Variants in CSF2RA observed in about 807,000 individuals in gnomAD.
CSF2RA encodes the protein granulocyte-macrophage colony-stimulating factor receptor subunit alpha.
A neutral mutation model predicts 51.6 loss-of-function variants in CSF2RA; 42 were observed. That is an observed-to-expected ratio of 0.81 (90% confidence interval 0.64 to 1.05). The LOEUF (loss-of-function observed/expected upper bound fraction) is 1.05, where lower values mean the gene tolerates loss of function less well. CSF2RA is among the 50% of genes least tolerant of loss of function. The pLI is 0.00. For missense variants in CSF2RA, 530 were observed against 501.1 expected, an observed-to-expected ratio of 1.06 and a Z score of -0.55; for synonymous variants, 222 against 193.0, an observed-to-expected ratio of 1.15 and a Z score of -1.24.
intron 11 of CSF2RA, among the ~76,000 whole-genome samples, chrX:1,305,181 A>G (rs1308824290): frequency 2.0e-5 from 3 of 149,628 alleles, no homozygotes; most frequent in African/African-American, 7.4e-5. Flanking sequence ...TTTAGTAGAG[A>G]CGGGGTTTCA....
chrX:1,320,664 ATTTTTT>A, the CSF2RA span, among the ~76,000 whole-genome samples: 32 of 123,392 alleles, frequency 2.6e-4, no homozygotes, highest in African/African-American at 7.9e-4. Flanking sequence ...TGCCCAGCTA[ATTTTTT>A]TTTTTTTTTT....
chrX:1,294,514 G>A (rs1390791705), intron 8 of CSF2RA, 53 bp downstream of exon 8: 28 of 1,609,380 alleles, frequency 1.7e-5, no homozygotes, highest in Middle Eastern at 1.8e-4. Context: ...TACGGGACAC[G>A]CCCGCACAGG....
intron 2 of CSF2RA, among the ~76,000 whole-genome samples, chrX:1,281,129 T>C (rs2089980537): frequency 8.3e-6 from 1 of 120,178 alleles, no homozygotes; most frequent in Non-Finnish European, 1.7e-5. Context: ...CTCCTCCTCC[T>C]CCTGCTCCTC....
chrX:1,305,511 A>G lies in CSF2RA; in HGVS notation c.1109A>G (p.His370Arg), dbSNP rs2083467905. ...ATCAAAGACAAACTGAATGATAACC[A>G]TGAGGTGGAAGACGAGGTAGGCAGG... ...PQIKDKLNDN[H>R]EVEDEIIWEE... The change falls in exon 12 of 13, where the codon CAT (histidine) becomes CGT (arginine). Residue 370 changes from histidine to arginine, a missense_variant. Transcript: ENST00000381529. 6.2e-7 allele frequency: 1 copy of G among 1,613,938 alleles called. No homozygotes were observed. Among genetic ancestry groups the G allele is most frequent in the Non-Finnish European group, 8.5e-7 (1 of 1,179,852 alleles).
intron 9 of CSF2RA, among the ~76,000 whole-genome samples, chrX:1,295,785 C>G (rs1202623031): frequency 6.6e-6 from 1 of 151,522 alleles, no homozygotes; most frequent in Non-Finnish European, 1.5e-5. Context: ...CCACAACCAC[C>G]TGGACCCCGT....
downstream of CSF2RA, among the ~76,000 whole-genome samples, chrX:1,312,536 G>A (rs2084235381): frequency 6.6e-6 from 1 of 152,058 alleles, no homozygotes; most frequent in South Asian, 2.1e-4. Flanking sequence ...ACATCTTTGG[G>A]GCCATTATTC....
chrX:1,311,564 G>A (rs1317200342), downstream of CSF2RA, among the ~76,000 whole-genome samples: 1 of 151,922 alleles, frequency 6.6e-6, no homozygotes, highest in African/African-American at 2.4e-5. Flanking sequence ...CTCCCAAGTG[G>A]CTGGGAGTAC....
In CSF2RA at chrX:1,309,783, G is replaced by C; in HGVS notation, c.*304G>C. On this transcript the variant is annotated 3_prime_UTR_variant, in exon 13 of 13. Coordinates refer to ENST00000381529, the MANE Select transcript of CSF2RA (RefSeq NM_172245.4). ...GACGCCCATCATCCCAGCTACTTGGGAGGCTGAGGCAGGAGAATTGCTTGA... is the reference window on the plus strand; with the variant it reads ...GACGCCCATCATCCCAGCTACTTGGCAGGCTGAGGCAGGAGAATTGCTTGA... 1 of 635,736 alleles carries C rather than the reference G, an allele frequency of 1.6e-6. No homozygotes were observed. Among genetic ancestry groups the C allele is most frequent in the South Asian group, 1.8e-5 (1 of 54,056 alleles). 39.4% of individuals were successfully genotyped at this position (635,736 alleles called of 1,614,324 possible).
chrX:1,289,177 G>A lies in CSF2RA; in HGVS notation c.473+289G>A, dbSNP rs73618034. 0.02 allele frequency: 8,935 copies of A among 455,022 alleles called. 589 individuals are homozygous for A. The highest frequency in any genetic ancestry group is 0.15 in the African/African-American group (7,584 of 50,488). 28.2% of individuals were successfully genotyped at this position (455,022 alleles called of 1,614,324 possible). ...CTTGCTCTGTCGCCCAGGCTGGAGT[G>A]TAGTGATGTGATCTCAGCTCCCTGC... On this transcript the variant is annotated intron_variant, in intron 6 of 12. Coordinates refer to ENST00000381529, the MANE Select transcript of CSF2RA (RefSeq NM_172245.4).
the CSF2RA span, among the ~76,000 whole-genome samples, chrX:1,318,057 C>T: frequency 6.6e-5 from 10 of 151,062 alleles, no homozygotes; most frequent in African/African-American, 1.2e-4. Flanking sequence ...GGAGCGATCT[C>T]GGCTCACTGC....
the CSF2RA span, among the ~76,000 whole-genome samples, chrX:1,323,258 A>T: frequency 1.7e-4 from 26 of 151,494 alleles, no homozygotes; most frequent in African/African-American, 6.1e-4. Flanking sequence ...TCACGCCTGT[A>T]ATTTCAGCAC....
chrX:1,284,613 TAAA>T (rs2090425810), intron 3 of CSF2RA, among the ~76,000 whole-genome samples: 2 of 31,482 alleles, frequency 6.4e-5, no homozygotes, highest in African/African-American at 1.9e-4. Flanking sequence ...TTTTTTTTTT[TAAA>T]TTTTATAGAC....
intron 7 of CSF2RA, among the ~76,000 whole-genome samples, chrX:1,293,465 C>T (rs182204407): frequency 0.013 from 1,991 of 152,202 alleles, 59 homozygotes; most frequent in African/African-American, 0.046. Context: ...GTGATCCTCC[C>T]GCCTCGGCCT....
chrX:1,305,196 G>T (rs367672523), intron 11 of CSF2RA, among the ~76,000 whole-genome samples: 1 of 150,216 alleles, frequency 6.7e-6, no homozygotes, highest in Non-Finnish European at 1.5e-5. Context: ...GTTTCACCAC[G>T]TTGGCCAGGC....
chrX:1,287,552 T>G (rs1569499964), intron 4 of CSF2RA, among the ~76,000 whole-genome samples: 2 of 149,154 alleles, frequency 1.3e-5, no homozygotes, highest in African/African-American at 2.5e-5. Flanking sequence ...CAAGAGATTC[T>G]CCTGCCTCAG....
At chrX:1,287,700 T>A (rs1471938099) in intron 4 of CSF2RA, among the ~76,000 whole-genome samples, 1 of 137,512 alleles carries the variant, frequency 7.3e-6, no homozygotes, top group Non-Finnish European at 1.6e-5. Flanking sequence ...CGCCTCGGCC[T>A]CCCAGAGTGC....
intron 3 of CSF2RA, 54 bp from the exon 4 acceptor site, chrX:1,285,701 CAAAAAAAAAAAAAAAAAAAAAAA>C (rs374606414): frequency 1.4e-6 from 1 of 707,294 alleles, no homozygotes; most frequent in Admixed American, 4.6e-5. Flanking sequence ...GACTCCGTCT[CAAAAAAAAAAAAAAAAAAAAAAA>C]AAAAAAAGGA....
At chrX:1,286,406 T>G (rs1338237843) in intron 4 of CSF2RA, among the ~76,000 whole-genome samples, 1 of 151,772 alleles carries the variant, frequency 6.6e-6, no homozygotes, top group African/African-American at 2.4e-5. Context: ...CCATCTCTAC[T>G]AAAAATACAA....
At position 1,285,777 on chromosome X, in the gene CSF2RA, G is replaced by A. The variant is rs762855843; in HGVS notation, c.77-1G>A. On this transcript the variant is annotated splice_acceptor_variant, in intron 3 of 12. Coordinates refer to ENST00000381529, the MANE Select transcript of CSF2RA (RefSeq NM_172245.4). LOFTEE classifies it high-confidence loss of function. ...CTGAACCCAGTGCCCGCTCCTTGCA[G>A]ATCTGCGAACAGTGGCACCAGCCTC... 5.6e-6 allele frequency: 9 copies of A among 1,601,376 alleles called. No individual in the cohort carries two copies. Among genetic ancestry groups the A allele is most frequent in the Admixed American group, 1.7e-5 (1 of 59,086 alleles).
Sources: allele counts gnomAD v4.1 joint callset (sites outside exome capture counted in the v4.1 genomes callset), GRCh38; gene constraint gnomAD v4.1.1; transcripts MANE v1.5; gene names NCBI Gene and HGNC (gene_info 2026-07-23, HGNC 2026-07-21).